Variants in PRTG observed in about 807,000 individuals in gnomAD.
The protein encoded by PRTG is protogenin.
Under a neutral mutation model 122.5 loss-of-function variants are expected in PRTG, and 67 were observed. That is an observed-to-expected ratio of 0.55 (90% CI 0.45 to 0.67). PRTG has a LOEUF of 0.67. Ranked by LOEUF, PRTG falls within the 30% of genes least tolerant of loss-of-function variation. The probability of loss-of-function intolerance (pLI) is 0.00; values close to 1 mark genes in which losing one functional copy is unlikely to be tolerated. For synonymous variants in PRTG, 554 were observed against 501.1 expected, an observed-to-expected ratio of 1.11 and a Z score of -1.41; for missense variants, 1,435 against 1,415.4, an observed-to-expected ratio of 1.01 and a Z score of -0.22.
intron 2 of PRTG, among the ~76,000 whole-genome samples, chr15:55,739,858 G>A (rs2031553463): frequency 6.6e-6 from 1 of 152,156 alleles, no homozygotes. Context: ...GAAAAGACTA[G>A]GAATACTTCA....
At position 55,624,399 on chromosome 15, in the gene PRTG, T is replaced by A. The variant is rs377227697; in HGVS notation, c.3036A>T (p.Val1012=). ...NEVGKNLEGA[V]GNEESLMPMI... is the part of the protein sequence containing the mutation. ...TTGGCATTAAAGATTCTTCATTTCCTACAGCTCCTTCCAGGTTCTTTCCTA... is the reference window on the plus strand; with the variant it reads ...TTGGCATTAAAGATTCTTCATTTCCAACAGCTCCTTCCAGGTTCTTTCCTA... Residue 1012 remains valine (V), a synonymous_variant, in exon 18 of 20, where the codon GTA becomes GTT. Transcript: ENST00000389286. 7.4e-6 allele frequency: 12 copies of A among 1,614,132 alleles called. No individual in the cohort carries two copies. Among genetic ancestry groups the A allele is most frequent in the Non-Finnish European group, 1.0e-5 (12 of 1,179,986 alleles).
At chr15:55,702,848 C>T (rs1004944449) in intron 2 of PRTG, 74 of 941,274 alleles carry the variant, frequency 7.9e-5, no homozygotes, top group South Asian at 3.9e-4. Flanking sequence ...TAACCCTCTG[C>T]CTCTTGATGC....
intron 8 of PRTG, among the ~76,000 whole-genome samples, chr15:55,676,167 T>G (rs2059501809): frequency 6.6e-6 from 1 of 152,098 alleles, no homozygotes; most frequent in Non-Finnish European, 1.5e-5. Flanking sequence ...CCCCTAGAGA[T>G]TCTATTAAAT....
At chr15:55,625,863 T>G (rs1198631368) in intron 17 of PRTG, among the ~76,000 whole-genome samples, 1 of 152,048 alleles carries the variant, frequency 6.6e-6, no homozygotes, top group African/African-American at 2.4e-5. Flanking sequence ...CCTCAGGTGA[T>G]CCGCTCACCT....
Position 55,619,227 on chromosome 15 carries a change from A to G in PRTG, c.*785T>C, listed in dbSNP as rs1170572807. ...ATGCCCAAAACATAAAGGCCTTTTA[A>G]GCAAAATGATCCCTACCTGGTATTG... On this transcript the variant is annotated 3_prime_UTR_variant, in exon 20 of 20. Transcript: ENST00000389286. The G allele has an allele frequency of 6.6e-6, 1 of 152,174 alleles. No homozygotes were observed. The highest frequency in any genetic ancestry group is 1.5e-5 in the Non-Finnish European group (1 of 68,024). The allele number at this position is 152,174 out of a possible 1,614,324, so 9.4% of individuals were successfully genotyped here.
chr15:55,679,549 T>G, intron 6 of PRTG, 104 bp from the exon 7 acceptor site: 1 of 793,778 alleles, frequency 1.3e-6, no homozygotes, highest in East Asian at 2.8e-5. Context: ...TTCCTGAAGA[T>G]GCCTGACATG....
intron 18 of PRTG, among the ~76,000 whole-genome samples, chr15:55,621,069 T>TAC (rs2059163493): frequency 6.6e-6 from 1 of 152,138 alleles, no homozygotes; most frequent in Non-Finnish European, 1.5e-5. Flanking sequence ...AAACAGGCAG[T>TAC]ACGGCTGGGC....
Position 55,675,545 on chromosome 15 carries a change from T to A in PRTG, c.1520A>T (p.His507Leu). ...MPMGASQMSD[H>L]VTQNTLEDVP... ...ATCCTCTAGAGTATTCTGTGTCACA[T>A]GGTCAGACATCTGGCTGGCTCCCAT... Residue 507 changes from histidine to leucine, a missense_variant, in exon 9 of 20, where the codon CAT becomes CTT. His to Leu is a moderately conservative substitution (Grantham distance 99). Coordinates refer to ENST00000389286, the MANE Select transcript of PRTG (RefSeq NM_173814.6). 6.2e-7 allele frequency: 1 copy of A among 1,612,154 alleles called. No individual in the cohort carries two copies. The highest frequency in any genetic ancestry group is 2.2e-5 in the East Asian group (1 of 44,840).
intron 11 of PRTG, among the ~76,000 whole-genome samples, chr15:55,658,326 T>C (rs1418958121): frequency 1.3e-5 from 2 of 152,164 alleles, no homozygotes; most frequent in Admixed American, 1.3e-4. Context: ...ATTTTTTTTT[T>C]TTTTTTTGAG....
intron 10 of PRTG, among the ~76,000 whole-genome samples, chr15:55,672,883 C>T (rs1469531259): frequency 6.6e-6 from 1 of 151,644 alleles, no homozygotes; most frequent in Non-Finnish European, 1.5e-5. Context: ...AATTTTTTTT[C>T]AAAGAGGCAA....
At chr15:55,665,615 G>A (rs2059435497) in intron 11 of PRTG, among the ~76,000 whole-genome samples, 2 of 147,434 alleles carry the variant, frequency 1.4e-5, no homozygotes, top group Non-Finnish European at 3.0e-5. Context: ...GCAGAATCTT[G>A]GTTCACTGCA....
chr15:55,646,562 T>C (rs945492588), intron 11 of PRTG, among the ~76,000 whole-genome samples: 2 of 152,112 alleles, frequency 1.3e-5, no homozygotes, highest in Non-Finnish European at 2.9e-5. Flanking sequence ...GACCTCGTGA[T>C]CCACCCGCCT....
At chr15:55,729,252 T>C (rs2031147205) in intron 2 of PRTG, among the ~76,000 whole-genome samples, 1 of 152,116 alleles carries the variant, frequency 6.6e-6, no homozygotes, top group Admixed American at 6.5e-5. Context: ...ATGCTAAGTG[T>C]AGGAAGACAA....
intron 1 of PRTG, chr15:55,742,471 A>C: frequency 4.6e-6 from 1 of 216,042 alleles, no homozygotes; most frequent in Non-Finnish European, 9.1e-6. Flanking sequence ...CGGGCTGGCG[A>C]CCCGGAGTCC....
chr15:55,707,041 A>C (rs912271087), intron 2 of PRTG, among the ~76,000 whole-genome samples: 1 of 152,248 alleles, frequency 6.6e-6, no homozygotes. Context: ...TTTGAGAAGC[A>C]CTACTCTAAG....
rs751813859 is a variant in PRTG, at chr15:55,624,504, T to C, written c.2931A>G (p.Lys977=). ...TCTGTGCCGTCTTGGAAGCAGATGA[T>C]TTCCTAAAACATTGGCAAGAAGAGG... ...LILIYRSKAR[K]SSASKTAQNG... Residue 977 remains lysine, a synonymous_variant, in exon 18 of 20, where the codon AAA becomes AAG. Transcript: ENST00000389286. 1 of 1,609,722 alleles carries C rather than the reference T, an allele frequency of 6.2e-7. No individual in the cohort carries two copies. The highest frequency in any genetic ancestry group is 1.1e-5 in the South Asian group (1 of 89,748).
chr15:55,666,703 G>T (rs939597757), intron 11 of PRTG, among the ~76,000 whole-genome samples: 3 of 152,076 alleles, frequency 2.0e-5, no homozygotes, highest in Admixed American at 6.5e-5. Flanking sequence ...TTAAATACAG[G>T]CTCAATTTCT....
At chr15:55,647,088 T>A (rs1447278874) in intron 11 of PRTG, among the ~76,000 whole-genome samples, 2 of 152,090 alleles carry the variant, frequency 1.3e-5, no homozygotes, top group Non-Finnish European at 2.9e-5. Flanking sequence ...GAGACCAGCT[T>A]GGCCAACATG....
intron 2 of PRTG, among the ~76,000 whole-genome samples, chr15:55,720,867 C>T (rs1198813664): frequency 6.6e-6 from 1 of 152,184 alleles, no homozygotes; most frequent in Admixed American, 6.5e-5. Flanking sequence ...GCATTCAAGG[C>T]TGTCCTGGGC....
Sources: allele counts gnomAD v4.1 joint callset (sites outside exome capture counted in the v4.1 genomes callset), GRCh38; gene constraint gnomAD v4.1.1; transcripts MANE v1.5; gene names NCBI Gene and HGNC (gene_info 2026-07-23, HGNC 2026-07-21).